MYT1L: variants seen among roughly 807,000 people sequenced by gnomAD.
The protein encoded by MYT1L is myelin transcription factor 1 like.
Under a neutral mutation model 126.7 loss-of-function variants are expected in MYT1L, and 12 were observed. The ratio of observed to expected loss-of-function variants is 0.09; its 90% CI spans 0.06 to 0.15. The LOEUF is 0.15. Ranked by LOEUF, MYT1L falls within the 10% of genes least tolerant of loss-of-function variation. The pLI is 1.00. For synonymous variants in MYT1L, 541 were observed against 604.2 expected, an observed-to-expected ratio of 0.90 and a Z score of 1.53; for missense variants, 979 against 1,585.2, an observed-to-expected ratio of 0.62 and a Z score of 6.49.
chr2:2,142,382 C>A (rs1057194623), intron 3 of MYT1L, among the ~76,000 whole-genome samples: 2 of 152,174 alleles, frequency 1.3e-5, no homozygotes, highest in African/African-American at 4.8e-5. Flanking sequence ...ATGTCCTATG[C>A]ATCTTATCAA....
At chr2:1,931,012 G>GT (rs1235322017) in intron 9 of MYT1L, among the ~76,000 whole-genome samples, 1 of 152,204 alleles carries the variant, frequency 6.6e-6, no homozygotes, top group Non-Finnish European at 1.5e-5. Flanking sequence ...TTTTGCCACT[G>GT]TTTTTTCTGA....
chr2:1,839,438 G>C (rs2041354854), intron 20 of MYT1L, 68 bp from the exon 21 acceptor site: 1 of 1,395,880 alleles, frequency 7.2e-7, no homozygotes, highest in Non-Finnish European at 1.0e-6. Flanking sequence ...CTGTAACAAA[G>C]TCAGAATAAC....
chr2:1,948,647 A>C (rs940257655), intron 8 of MYT1L, among the ~76,000 whole-genome samples: 1 of 152,036 alleles, frequency 6.6e-6, no homozygotes, highest in Non-Finnish European at 1.5e-5. Context: ...AGAGAGGAGG[A>C]TGTGGGGGCA....
In MYT1L at chr2:1,912,256, C is replaced by T; in HGVS notation, c.1619-146G>A. Reference sequence around the variant, plus strand: ...TGTGATGGGCATGGCCAGGAAAACACACATGGGAGGAGAAAGAAGGTTGAC... The same window carrying T: ...TGTGATGGGCATGGCCAGGAAAACATACATGGGAGGAGAAAGAAGGTTGAC... On this transcript the variant is annotated intron_variant, in intron 11 of 24. Coordinates refer to ENST00000647738, the MANE Select transcript of MYT1L (RefSeq NM_001303052.2). The surrounding 1 kb of genome is among the most constrained non-coding windows in gnomAD (Gnocchi z 4.3). 1.9e-6 allele frequency: 1 copy of T among 520,334 alleles called. No individual in the cohort carries two copies. 32.2% of individuals were successfully genotyped at this position (520,334 alleles called of 1,614,324 possible).
In MYT1L at chr2:1,794,000, T is replaced by C. The variant is rs1384641397; in HGVS notation, c.3277-1536A>G. Among the ~76,000 whole-genome samples the C allele has an allele frequency of 3.3e-5, 5 of 152,118 alleles. No homozygotes were observed. The highest frequency in any genetic ancestry group is 4.8e-5 in the African/African-American group (2 of 41,422). ...GTGGCAGCTGTGGCTGGGACCTTAC[T>C]AGAGATGATGTCAGTGTAAGCAGAC... On this transcript the variant is annotated intron_variant, in intron 23 of 24. Coordinates refer to ENST00000647738, the MANE Select transcript of MYT1L (RefSeq NM_001303052.2). The surrounding 1 kb of genome is among the most constrained non-coding windows in gnomAD (Gnocchi z 4.6).
At chr2:2,086,669 G>T (rs2076380874) in intron 3 of MYT1L, among the ~76,000 whole-genome samples, 1 of 152,154 alleles carries the variant, frequency 6.6e-6, no homozygotes, top group African/African-American at 2.4e-5. Context: ...GCTAGCAAAG[G>T]AGCCCCGGTG....
At chr2:2,129,155 A>C (rs1380024200) in intron 3 of MYT1L, among the ~76,000 whole-genome samples, 1 of 152,198 alleles carries the variant, frequency 6.6e-6, no homozygotes, top group Non-Finnish European at 1.5e-5. Flanking sequence ...GACCTTAATG[A>C]ATGTGGTGAT....
intron 2 of MYT1L, among the ~76,000 whole-genome samples, chr2:2,249,107 T>C (rs553715287): frequency 1.2e-3 from 181 of 152,084 alleles, no homozygotes; most frequent in Non-Finnish European, 2.1e-3. Flanking sequence ...TGATCTTATA[T>C]TTGGAAAAAA....
At chr2:1,809,519 T>C (rs2036255677) in intron 21 of MYT1L, among the ~76,000 whole-genome samples, 1 of 152,140 alleles carries the variant, frequency 6.6e-6, no homozygotes, top group East Asian at 1.9e-4. Context: ...TAATATTGCT[T>C]AAAAATCTTT....
At chr2:1,812,875 CAA>C (rs33917296) in intron 21 of MYT1L, among the ~76,000 whole-genome samples, 1,328 of 59,728 alleles carry the variant, frequency 0.022, 21 homozygotes, top group African/African-American at 0.074. Context: ...GACTCCGTCT[CAA>C]AAAAAAAAAA....
chr2:2,056,772 CA>C (rs1423475991), intron 3 of MYT1L, among the ~76,000 whole-genome samples: 1 of 152,232 alleles, frequency 6.6e-6, no homozygotes, highest in East Asian at 1.9e-4. Flanking sequence ...ACAAAAATAA[CA>C]GCAGCCAGGC....
intron 14 of MYT1L, chr2:1,902,840 G>A: frequency 1.9e-6 from 1 of 526,596 alleles, no homozygotes; most frequent in Non-Finnish European, 3.4e-6. Flanking sequence ...GCAGCCGAGT[G>A]CGCTGTCTCG....
At chr2:2,060,646 G>T (rs566130273) in intron 3 of MYT1L, among the ~76,000 whole-genome samples, 1 of 150,168 alleles carries the variant, frequency 6.7e-6, no homozygotes. Flanking sequence ...TTCTTCTCTC[G>T]CTGTCTCTCT....
At chr2:2,105,258 C>T (rs537515983) in intron 3 of MYT1L, among the ~76,000 whole-genome samples, 12 of 152,218 alleles carry the variant, frequency 7.9e-5, no homozygotes, top group African/African-American at 2.9e-4. Flanking sequence ...CTCTGTGCTC[C>T]GTGGACCACA....
At chr2:2,297,758 G>A (rs2149507126) in intron 1 of MYT1L, among the ~76,000 whole-genome samples, 1 of 152,222 alleles carries the variant, frequency 6.6e-6, no homozygotes, top group East Asian at 1.9e-4. Context: ...CCCAGGGAGG[G>A]AGGACAGCCA....
intron 2 of MYT1L, among the ~76,000 whole-genome samples, chr2:2,183,056 C>T (rs907592823): frequency 8.5e-5 from 13 of 152,262 alleles, no homozygotes; most frequent in Non-Finnish European, 1.8e-4. Context: ...TGTCATCAGG[C>T]TATGGATGGT....
At chr2:2,195,570 G>T (rs528303199) in intron 2 of MYT1L, among the ~76,000 whole-genome samples, 1 of 152,206 alleles carries the variant, frequency 6.6e-6, no homozygotes, top group East Asian at 1.9e-4. Context: ...TGACATGATA[G>T]ATTTGACCAA....
At chr2:2,181,229 T>C (rs35127888) in intron 2 of MYT1L, among the ~76,000 whole-genome samples, 7,063 of 151,986 alleles carry the variant, frequency 0.046, 172 homozygotes, top group East Asian at 0.08. Context: ...CCTGTGTGTG[T>C]ACCTGTGTAT....
intron 19 of MYT1L, among the ~76,000 whole-genome samples, chr2:1,850,532 C>G (rs981641053): frequency 6.6e-6 from 1 of 152,082 alleles, no homozygotes; most frequent in African/African-American, 2.4e-5. Context: ...AGTGGATTCG[C>G]CTTTGTGTGG....
Sources: gnomAD v4.1 joint callset for allele counts (sites outside exome capture counted in the v4.1 genomes callset) on GRCh38, gnomAD v4.1.1 for gene constraint, Gnocchi (gnomAD v3.1) non-coding constraint, MANE v1.5 for transcripts, NCBI Gene and HGNC (gene_info 2026-07-23, HGNC 2026-07-21) for gene names.